The following PLA2R1 variants were observed in gnomAD, a reference collection of about 807,000 sequenced individuals.
PLA2R1 encodes secretory phospholipase A2 receptor.
PLA2R1 carries 158 observed loss-of-function variants against 195.9 expected under a neutral mutation model. The ratio of observed to expected loss-of-function variants is 0.81; its 90% CI spans 0.71 to 0.92. PLA2R1 has a LOEUF of 0.92. Ranked by LOEUF, PLA2R1 falls within the 40% of genes least tolerant of loss-of-function variation. The probability of loss-of-function intolerance (pLI) is 0.00; values close to 1 mark genes in which losing one functional copy is unlikely to be tolerated. For synonymous variants in PLA2R1, 586 were observed against 598.2 expected (o/e 0.98, Z 0.30); for missense variants, 1,626 against 1,764.6 (o/e 0.92, Z 1.41).
chr2:159,968,929 T>A (rs527267593), intron 19 of PLA2R1, among the ~76,000 whole-genome samples: 64 of 152,352 alleles, frequency 4.2e-4, no homozygotes, highest in South Asian at 2.7e-3. Context: ...TAGATTTTTT[T>A]AAAAAGTGCT....
chr2:159,953,175 A>G (rs563989559), intron 23 of PLA2R1, among the ~76,000 whole-genome samples: 10 of 152,362 alleles, frequency 6.6e-5, no homozygotes, highest in African/African-American at 2.2e-4. Flanking sequence ...TATGTAATTG[A>G]TTCCATTAAG....
intron 17 of PLA2R1, among the ~76,000 whole-genome samples, chr2:159,975,008 G>A (rs188529771): frequency 2.0e-5 from 3 of 152,260 alleles, no homozygotes. Context: ...TGAAGATCAT[G>A]AAATATGATT....
At chr2:160,015,054 C>A (rs1692636472) in intron 9 of PLA2R1, among the ~76,000 whole-genome samples, 1 of 152,202 alleles carries the variant, frequency 6.6e-6, no homozygotes, top group Non-Finnish European at 1.5e-5. Flanking sequence ...AAAAAAAGAT[C>A]TGGCATAGAA....
the PLA2R1 span, among the ~76,000 whole-genome samples, chr2:159,925,242 C>T: frequency 6.6e-6 from 1 of 151,736 alleles, no homozygotes; most frequent in Non-Finnish European, 1.5e-5. Context: ...AATTGTGTTA[C>T]GGCAATGGTA....
chr2:160,015,006 A>G (rs538046990), intron 9 of PLA2R1, among the ~76,000 whole-genome samples: 1 of 152,236 alleles, frequency 6.6e-6, no homozygotes, highest in African/African-American at 2.4e-5. Context: ...AACAAACAAA[A>G]AAATCCAATA....
At chr2:159,977,166 G>T in intron 15 of PLA2R1, 118 bp downstream of exon 15, 1 of 754,910 alleles carries the variant, frequency 1.3e-6, no homozygotes, top group Non-Finnish European at 2.1e-6. Context: ...TGCTAAAGTA[G>T]TGTAATTTAT....
intron 1 of PLA2R1, among the ~76,000 whole-genome samples, chr2:160,052,967 G>C (rs1235604586): frequency 6.6e-6 from 1 of 152,228 alleles, no homozygotes; most frequent in Non-Finnish European, 1.5e-5. Context: ...GTGGTAGATA[G>C]AGTGTTAGTC....
intron 11 of PLA2R1, among the ~76,000 whole-genome samples, chr2:160,000,450 G>A (rs1411988563): frequency 6.6e-6 from 1 of 152,192 alleles, no homozygotes; most frequent in African/African-American, 2.4e-5. Context: ...CTCAAACTGA[G>A]TGGTGGAAAC....
At position 159,976,270 on chromosome 2, in the gene PLA2R1, A is replaced by G. The variant is rs372365333; in HGVS notation, c.2438-45T>C. The G allele has an allele frequency of 4.4e-5, 62 of 1,412,690 alleles. No homozygotes were observed. The Admixed American group carries it at 1.3e-3, about 29-fold the overall frequency. The allele number at this position is 1,412,690 out of a possible 1,614,324, so 87.5% of individuals were successfully genotyped here. On this transcript the variant is annotated intron_variant, in intron 16 of 29. Coordinates refer to ENST00000283243, the MANE Select transcript of PLA2R1 (RefSeq NM_007366.5). Reference sequence around the variant, plus strand: ...AATAATGCTGAAATGATAAATAGGTATGCTAGGATTGACCCCAAATTTGAG... The same window carrying G: ...AATAATGCTGAAATGATAAATAGGTGTGCTAGGATTGACCCCAAATTTGAG...
chr2:160,012,405 C>T (rs933597002), intron 10 of PLA2R1, among the ~76,000 whole-genome samples: 1 of 152,048 alleles, frequency 6.6e-6, no homozygotes, highest in African/African-American at 2.4e-5. Flanking sequence ...TATTATGCAT[C>T]GGTACCATGG....
chr2:160,047,784 A>C (rs1694963982), intron 1 of PLA2R1, among the ~76,000 whole-genome samples: 1 of 152,192 alleles, frequency 6.6e-6, no homozygotes, highest in Admixed American at 6.5e-5. Context: ...GAATAAATAG[A>C]CATGAAAATT....
In PLA2R1 at chr2:160,013,393, G is replaced by A. The variant is rs1487695923; in HGVS notation, c.1552-18C>T. ...TCCCATCCCTTAAAAAGAATAAAAGGGAAATTAAGGACACAATCTCATTTA... is the reference window on the plus strand; with the variant it reads ...TCCCATCCCTTAAAAAGAATAAAAGAGAAATTAAGGACACAATCTCATTTA... On this transcript the variant is annotated intron_variant, in intron 9 of 29. Transcript: ENST00000283243. 7.2e-7 allele frequency: 1 copy of A among 1,383,728 alleles called. No homozygotes were observed. The highest frequency in any genetic ancestry group is 1.7e-5 in the Admixed American group (1 of 58,898). 85.7% of individuals were successfully genotyped at this position (1,383,728 alleles called of 1,614,324 possible). A position where few individuals can be genotyped will look rare whatever the true frequency, so the allele number is the denominator to read the frequency against.
Position 160,015,607 on chromosome 2 carries a change from C to A in PLA2R1, c.1551+1007G>T, listed in dbSNP as rs1031043655. Among the ~76,000 whole-genome samples the A allele has an allele frequency of 2.0e-5, 3 of 152,102 alleles. No homozygotes were observed. In the East Asian group the frequency reaches 5.8e-4, roughly 29 times the overall value. On this transcript the variant is annotated intron_variant, in intron 9 of 29. Coordinates refer to ENST00000283243, the MANE Select transcript of PLA2R1 (RefSeq NM_007366.5). The stretch of plus-strand genomic sequence containing the variant: ...CCAGAAAGCCACAGTAAGACAAATC[C>A]CCCCACCCTCGCCCCTGCCCCGTCT...
chr2:160,050,344 G>A (rs1358851724), intron 1 of PLA2R1, among the ~76,000 whole-genome samples: 2 of 152,150 alleles, frequency 1.3e-5, no homozygotes, highest in Admixed American at 1.3e-4. Flanking sequence ...AAGGAAGACG[G>A]GTGTGGCAGA....
intron 1 of PLA2R1, among the ~76,000 whole-genome samples, chr2:160,050,633 G>A (rs1695159714): frequency 6.6e-6 from 1 of 152,178 alleles, no homozygotes; most frequent in South Asian, 2.1e-4. Flanking sequence ...ACTGCTTGAT[G>A]TGGCATGGTT....
At chr2:159,989,932 T>C (rs762643828) in intron 11 of PLA2R1, among the ~76,000 whole-genome samples, 14 of 152,162 alleles carry the variant, frequency 9.2e-5, no homozygotes, top group Admixed American at 6.5e-4. Flanking sequence ...GATATTCGAC[T>C]CATCTTCATT....
rs1692295691 is a variant in PLA2R1 at position 160,010,628 on chromosome 2, C to T, written c.1664+2635G>A. On this transcript the variant is annotated intron_variant, in intron 10 of 29. Coordinates refer to ENST00000283243, the MANE Select transcript of PLA2R1 (RefSeq NM_007366.5). ...AATCAGTAATGGAAGAAAATGATTA[C>T]CATGGCCACTAGTGGACACTCCTGG... is the stretch of plus-strand genomic sequence containing the variant. Among the ~76,000 whole-genome samples the T allele has an allele frequency of 2.0e-5, 3 of 152,260 alleles. 1 individual carries two copies. In the South Asian group the frequency reaches 6.2e-4, roughly 32 times the overall value.
chr2:159,945,658 T>C (rs1032355817), intron 27 of PLA2R1, among the ~76,000 whole-genome samples: 7 of 152,310 alleles, frequency 4.6e-5, no homozygotes, highest in African/African-American at 1.7e-4. Context: ...GCAATAAACA[T>C]ACGTGTGTAT....
chr2:159,981,184 C>T (rs761396700), intron 13 of PLA2R1, among the ~76,000 whole-genome samples: 4 of 150,810 alleles, frequency 2.7e-5, no homozygotes, highest in Admixed American at 2.0e-4. Context: ...TGAAATTGTA[C>T]AATATTTAAT....
Sources: gnomAD v4.1 joint callset for allele counts (sites outside exome capture counted in the v4.1 genomes callset) on GRCh38, gnomAD v4.1.1 for gene constraint, MANE v1.5 for transcripts, NCBI Gene and HGNC (gene_info 2026-07-23, HGNC 2026-07-21) for gene names.